FHIT: variants seen among roughly 807,000 people sequenced by gnomAD.
FHIT encodes the protein fragile histidine triad diadenosine triphosphatase.
Under a neutral mutation model 17.9 loss-of-function variants are expected in FHIT, and 19 were observed. That is an observed-to-expected ratio of 1.06 (90% CI 0.74 to 1.56). The LOEUF is 1.56. Among genes scored for constraint, FHIT ranks in the 40% most tolerant of loss-of-function variants. The pLI is 0.00. For missense variants in FHIT, 248 were observed against 189.2 expected (o/e 1.31, Z -1.82); for synonymous variants, 81 against 69.7 (o/e 1.16, Z -0.81).
At chr3:60,505,571 T>C (rs751527563) in intron 5 of FHIT, among the ~76,000 whole-genome samples, 2 of 152,210 alleles carry the variant, frequency 1.3e-5, no homozygotes, top group African/African-American at 2.4e-5. Context: ...ATTTACACTT[T>C]TCACCTTTGC....
At chr3:60,590,459 T>C (rs2038049929) in intron 4 of FHIT, among the ~76,000 whole-genome samples, 1 of 152,116 alleles carries the variant, frequency 6.6e-6, no homozygotes. Flanking sequence ...TGATGTATTG[T>C]TTATTTTTCA....
At chr3:60,887,234 A>G (rs896007247) in intron 3 of FHIT, among the ~76,000 whole-genome samples, 1 of 151,490 alleles carries the variant, frequency 6.6e-6, no homozygotes, top group Non-Finnish European at 1.5e-5. Flanking sequence ...TCCGATCCCT[A>G]TTTTTCTCTG....
intron 5 of FHIT, among the ~76,000 whole-genome samples, chr3:60,191,766 T>G (rs1702413803): frequency 6.6e-6 from 1 of 152,134 alleles, no homozygotes; most frequent in African/African-American, 2.4e-5. Context: ...ATAAAAATGT[T>G]TCATTTAAAA....
chr3:60,525,815 G>A (rs1576813408), intron 5 of FHIT, among the ~76,000 whole-genome samples: 1 of 152,280 alleles, frequency 6.6e-6, no homozygotes, highest in African/African-American at 2.4e-5. Flanking sequence ...CCTGTCAACA[G>A]GTGACAGGTG....
At chr3:60,075,364 C>G (rs1702959047) in intron 5 of FHIT, among the ~76,000 whole-genome samples, 1 of 152,044 alleles carries the variant, frequency 6.6e-6, no homozygotes, top group South Asian at 2.1e-4. Context: ...GGGAAGAGCA[C>G]TAGACCAAGA....
intron 3 of FHIT, among the ~76,000 whole-genome samples, chr3:61,031,778 G>A (rs901586711): frequency 7.2e-5 from 11 of 152,302 alleles, no homozygotes; most frequent in East Asian, 1.9e-4. Context: ...CAGCCACATG[G>A]AAGTTATACT....
intron 2 of FHIT, among the ~76,000 whole-genome samples, chr3:61,091,242 T>C (rs1164858095): frequency 6.6e-6 from 1 of 152,194 alleles, no homozygotes; most frequent in Non-Finnish European, 1.5e-5. Flanking sequence ...CTAACATGAA[T>C]GTATGCTTTT....
chr3:60,873,141 GAGA>G (rs1553755456), intron 3 of FHIT, among the ~76,000 whole-genome samples: 3 of 142,610 alleles, frequency 2.1e-5, no homozygotes, highest in African/African-American at 8.7e-5. Context: ...GGGAGAGGGA[GAGA>G]GAGAGAGAGA....
rs145320994 is a variant in FHIT at position 60,984,468 on chromosome 3, T to A, written c.-111+57579A>T. On this transcript the variant is annotated intron_variant, in intron 3 of 9. Coordinates refer to ENST00000492590, the MANE Select transcript of FHIT (RefSeq NM_002012.4). ...GTCTTAATAATCTGTCATCCAATAC[T>A]TGGCAAGTGAAATGTGCTATCATAT... Among the ~76,000 whole-genome samples the A allele has an allele frequency of 4.0e-4, 61 of 152,308 alleles. 1 individual carries two copies. Among genetic ancestry groups the A allele is most frequent in the African/African-American group, 1.3e-3 (53 of 41,572 alleles).
At chr3:60,551,809 T>C (rs1441654842) in intron 4 of FHIT, among the ~76,000 whole-genome samples, 5 of 151,442 alleles carry the variant, frequency 3.3e-5, no homozygotes. Context: ...ATTCCCAGAT[T>C]ATTTTTCTGT....
At chr3:59,749,942 C>A (rs1444075342) in intron 9 of FHIT, 6 of 225,352 alleles carry the variant, frequency 2.7e-5, no homozygotes, top group Admixed American at 5.7e-5. Context: ...TTAGTTACCA[C>A]ATCTGACTGC....
chr3:60,562,720 C>T (rs1458379937), intron 4 of FHIT, among the ~76,000 whole-genome samples: 2 of 152,248 alleles, frequency 1.3e-5, no homozygotes, highest in Admixed American at 6.5e-5. Context: ...CTGCACTTGA[C>T]CTGACCCCTA....
chr3:60,859,595 T>C (rs1703536577), intron 3 of FHIT, among the ~76,000 whole-genome samples: 1 of 151,914 alleles, frequency 6.6e-6, no homozygotes, highest in Non-Finnish European at 1.5e-5. Flanking sequence ...TCCTTTTCCC[T>C]TCTCAGGCAC....
chr3:60,767,675 T>C (rs1202152569), intron 4 of FHIT, among the ~76,000 whole-genome samples: 5 of 152,234 alleles, frequency 3.3e-5, no homozygotes, highest in African/African-American at 7.2e-5. Context: ...TATCAGACTA[T>C]CTGTGGCTTC....
In FHIT at chr3:60,196,129, C is replaced by T. The variant is rs377732289; in HGVS notation, c.104-181977G>A. On this transcript the variant is annotated intron_variant, in intron 5 of 9. Coordinates refer to ENST00000492590, the MANE Select transcript of FHIT (RefSeq NM_002012.4). ...TTATTGCCGCTGTCACAAATTACCA[C>T]ATACTTAGGGCTTGAAACAACACAT... Among the ~76,000 whole-genome samples the T allele has an allele frequency of 3.1e-4, 47 of 152,276 alleles. 1 individual carries two copies. The South Asian group carries it at 9.8e-3, about 32-fold the overall frequency.
chr3:61,229,594 C>A (rs141113934), intron 1 of FHIT, among the ~76,000 whole-genome samples: 1 of 152,148 alleles, frequency 6.6e-6, no homozygotes, highest in African/African-American at 2.4e-5. Flanking sequence ...CTCTGAGAAC[C>A]AGGCCCTCAT....
intron 5 of FHIT, among the ~76,000 whole-genome samples, chr3:60,326,065 T>G (rs1437322201): frequency 6.6e-6 from 1 of 151,934 alleles, no homozygotes; most frequent in African/African-American, 2.4e-5. Flanking sequence ...ATCAACATCC[T>G]AAACCAGCAG....
At chr3:60,769,038 G>C (rs1699951916) in intron 4 of FHIT, among the ~76,000 whole-genome samples, 1 of 152,080 alleles carries the variant, frequency 6.6e-6, no homozygotes, top group Non-Finnish European at 1.5e-5. Context: ...TATTCACCTT[G>C]ATGGTCTCCC....
At chr3:60,031,436 G>C (rs983010702) in intron 5 of FHIT, among the ~76,000 whole-genome samples, 3 of 152,218 alleles carry the variant, frequency 2.0e-5, no homozygotes, top group African/African-American at 7.2e-5. Flanking sequence ...CTAGTAAATG[G>C]TAGAACAGAA....
Sources: gnomAD v4.1 joint callset for allele counts (sites outside exome capture counted in the v4.1 genomes callset) on GRCh38, gnomAD v4.1.1 for gene constraint, MANE v1.5 for transcripts, NCBI Gene and HGNC (gene_info 2026-07-23, HGNC 2026-07-21) for gene names.